The following HMGB1 variants were observed in gnomAD, a reference collection of about 807,000 sequenced individuals.
HMGB1 encodes the protein high mobility group protein B1.
For synonymous variants in HMGB1, 81 were observed against 84.0 expected (o/e 0.96, Z 0.19); for missense variants, 79 against 253.5 (o/e 0.31, Z 4.67).
chr13:30,474,630 A>G (rs758495362), intron 1 of HMGB1, among the ~76,000 whole-genome samples: 28 of 152,052 alleles, frequency 1.8e-4, no homozygotes, highest in Non-Finnish European at 3.7e-4. Flanking sequence ...TTGGGCAGGT[A>G]TGGTGGCTCA....
At position 30,525,342 on chromosome 13, in the gene HMGB1, C is replaced by A. The variant is rs192430908; in HGVS notation, c.-14-61648G>T. On this transcript the variant is annotated intron_variant, in intron 1 of 4. Transcript: ENST00000405805. ...TGCACAAAATATTGCAGCAAAATGT[C>A]TCAGTATTCTTGTTCTTTGGCGTAC... Among the ~76,000 whole-genome samples, 147 of 152,312 alleles carry A rather than the reference C, an allele frequency of 9.7e-4. 1 individual carries two copies. The highest frequency in any genetic ancestry group is 6.8e-3 in the Middle Eastern group (2 of 294).
chr13:30,518,294 G>A (rs885151), intron 1 of HMGB1, among the ~76,000 whole-genome samples: 6,322 of 152,264 alleles, frequency 0.042, 351 homozygotes, highest in African/African-American at 0.13. Context: ...CTGTGTTCAC[G>A]CTACTGTACT....
chr13:30,513,020 A>T lies in HMGB1; in HGVS notation c.-14-49326T>A, dbSNP rs1888026418. ...TCTAATACAAATACAAAAATTAGCA[A>T]GGCGTGATGGTGGACACCTGTAGTC... On this transcript the variant is annotated intron_variant, in intron 1 of 4. Coordinates refer to the HMGB1 transcript ENST00000405805. Among the ~76,000 whole-genome samples, 2 of 152,086 alleles carry T rather than the reference A, an allele frequency of 1.3e-5. 1 individual carries two copies. Among genetic ancestry groups the T allele is most frequent in the South Asian group, 4.2e-4 (2 of 4,818 alleles).
exon 1 of HMGB1, chr13:30,617,544 G>C (rs750663533): frequency 3.9e-5 from 6 of 152,218 alleles, no homozygotes; most frequent in Non-Finnish European, 8.8e-5. Context: ...CGCGGACCAC[G>C]GAACAGCGAC....
intron 4 of HMGB1, 36 bp from the exon 5 acceptor site, chr13:30,461,569 G>GA (rs1333046175): frequency 6.4e-7 from 1 of 1,566,314 alleles, no homozygotes; most frequent in Non-Finnish European, 8.7e-7. Context: ...CAGTAGGGAA[G>GA]AAAAAAACAT....
chr13:30,562,902 C>A (rs1870022699), intron 1 of HMGB1, among the ~76,000 whole-genome samples: 1 of 152,086 alleles, frequency 6.6e-6, no homozygotes, highest in Non-Finnish European at 1.5e-5. Flanking sequence ...ATGGAAGGCA[C>A]AAGATCAGCA....
chr13:30,591,204 G>C (rs1405038373), intron 1 of HMGB1, among the ~76,000 whole-genome samples: 1 of 151,768 alleles, frequency 6.6e-6, no homozygotes, highest in African/African-American at 2.4e-5. Context: ...CTAATCTTTT[G>C]TATTTTTAGT....
chr13:30,565,712 C>CA (rs1870157157), intron 1 of HMGB1, among the ~76,000 whole-genome samples: 1 of 151,976 alleles, frequency 6.6e-6, no homozygotes, highest in African/African-American at 2.4e-5. Flanking sequence ...CTTAAAGAAG[C>CA]AAAAAAGATG....
intron 1 of HMGB1, among the ~76,000 whole-genome samples, chr13:30,502,648 A>C (rs201390857): frequency 6.8e-6 from 1 of 146,248 alleles, no homozygotes; most frequent in African/African-American, 2.5e-5. Context: ...ACTTTATTTT[A>C]TTTATTTTAT....
At chr13:30,612,822 T>C (rs781726091) in intron 1 of HMGB1, among the ~76,000 whole-genome samples, 9 of 152,248 alleles carry the variant, frequency 5.9e-5, no homozygotes, top group African/African-American at 1.4e-4. Flanking sequence ...CAAGTACTTA[T>C]AGAACGTTAT....
intron 1 of HMGB1, among the ~76,000 whole-genome samples, chr13:30,595,294 TA>T (rs1178926755): frequency 6.6e-6 from 1 of 152,084 alleles, no homozygotes. Context: ...ATGGTAGAGG[TA>T]ATTTGCACCT....
chr13:30,571,381 G>A (rs888466308), intron 1 of HMGB1, among the ~76,000 whole-genome samples: 1 of 146,668 alleles, frequency 6.8e-6, no homozygotes, highest in Non-Finnish European at 1.5e-5. Context: ...TGCAACCTCC[G>A]CCTCCCGGGT....
chr13:30,588,517 T>C lies in HMGB1; in HGVS notation c.-15+28154A>G, dbSNP rs143612594. On this transcript the variant is annotated intron_variant, in intron 1 of 4. Coordinates refer to the HMGB1 transcript ENST00000405805. ...TGCAGCGGGGGAAAAAACAGAATAA[T>C]GGGAAACTGCATGGTTAAAAGGTTT... 3.5e-3 allele frequency among the ~76,000 whole-genome samples: 534 copies of C among 152,196 alleles called. 2 individuals are homozygous for C. Among genetic ancestry groups the C allele is most frequent in the African/African-American group, 0.011 (458 of 41,510 alleles).
chr13:30,575,541 G>A (rs1015275133), intron 1 of HMGB1, among the ~76,000 whole-genome samples: 6 of 152,112 alleles, frequency 3.9e-5, no homozygotes, highest in African/African-American at 1.4e-4. Flanking sequence ...GTCTGTTACT[G>A]ACAGAAATTT....
chr13:30,508,077 C>T (rs542277423), intron 1 of HMGB1, among the ~76,000 whole-genome samples: 1 of 152,278 alleles, frequency 6.6e-6, no homozygotes, highest in East Asian at 1.9e-4. Context: ...ACTCCCATAT[C>T]ATACTGGATG....
chr13:30,510,253 G>A (rs1887963279), intron 1 of HMGB1, among the ~76,000 whole-genome samples: 1 of 149,508 alleles, frequency 6.7e-6, no homozygotes, highest in Non-Finnish European at 1.5e-5. Flanking sequence ...GTGAATGAGT[G>A]AGTGGGGGTA....
chr13:30,595,474 A>G (rs1871565937), intron 1 of HMGB1, among the ~76,000 whole-genome samples: 1 of 152,226 alleles, frequency 6.6e-6, no homozygotes, highest in Non-Finnish European at 1.5e-5. Context: ...TGATATATAC[A>G]ATGATCTGAG....
At chr13:30,578,967 CTCCTG>C (rs1388442770) in intron 1 of HMGB1, among the ~76,000 whole-genome samples, 2 of 152,228 alleles carry the variant, frequency 1.3e-5, no homozygotes, top group Non-Finnish European at 2.9e-5. Flanking sequence ...CAGCTGCTTG[CTCCTG>C]TTTCCACAGC....
chr13:30,469,393 A>G (rs1165699278), upstream of HMGB1, among the ~76,000 whole-genome samples: 5 of 152,202 alleles, frequency 3.3e-5, no homozygotes, highest in Non-Finnish European at 4.4e-5. Flanking sequence ...TGCAATCACA[A>G]TTGTGGTTCT....
Sources: gnomAD v4.1 joint callset for allele counts (sites outside exome capture counted in the v4.1 genomes callset) on GRCh38, gnomAD v4.1.1 for gene constraint, MANE v1.5 for transcripts, NCBI Gene and HGNC (gene_info 2026-07-23, HGNC 2026-07-21) for gene names.